Variants in PRKN observed in about 807,000 individuals in gnomAD.
The protein encoded by PRKN is E3 ubiquitin-protein ligase parkin.
A neutral mutation model predicts 59.5 loss-of-function variants in PRKN; 56 were observed. The observed-to-expected ratio is 0.94, with a 90% CI of 0.76 to 1.18. The LOEUF is 1.18. Among genes scored for constraint, PRKN ranks in the 50% most tolerant of loss-of-function variants. The pLI is 0.00. For synonymous variants in PRKN, 250 were observed against 222.1 expected, an observed-to-expected ratio of 1.13 and a Z score of -1.12; for missense variants, 657 against 596.4, an observed-to-expected ratio of 1.10 and a Z score of -1.06.
chr6:162,236,445 C>A (rs553459057), intron 3 of PRKN, among the ~76,000 whole-genome samples: 3 of 152,222 alleles, frequency 2.0e-5, no homozygotes, highest in Non-Finnish European at 4.4e-5. Context: ...TTTCTTCCAC[C>A]CCACTCCTCC....
rs1011532805 is a variant in PRKN at position 161,575,934 on chromosome 6, C to T, written c.872-6518G>A. Among the ~76,000 whole-genome samples the T allele has an allele frequency of 2.0e-5, 3 of 152,150 alleles. No individual in the cohort carries two copies. The highest frequency in any genetic ancestry group is 2.9e-5 in the Non-Finnish European group (2 of 68,038). ...TTCAATGTGATCGAAGACAATGCAG[C>T]GAGACTGAACACTGACCTCTGAGCA... On this transcript the variant is annotated intron_variant, in intron 7 of 11. Coordinates refer to ENST00000366898, the MANE Select transcript of PRKN (RefSeq NM_004562.3). The surrounding 1 kb of genome is among the most constrained non-coding windows in gnomAD (Gnocchi z 4.6).
intron 9 of PRKN, among the ~76,000 whole-genome samples, chr6:161,477,066 A>T (rs938621328): frequency 2.0e-5 from 3 of 152,256 alleles, no homozygotes; most frequent in Non-Finnish European, 4.4e-5. Context: ...AAAAGCCAAC[A>T]GCACTTAACT....
At chr6:162,491,269 CA>C (rs1415926992) in intron 1 of PRKN, among the ~76,000 whole-genome samples, 1,382 of 75,976 alleles carry the variant, frequency 0.018, 10 homozygotes, top group African/African-American at 0.054. Flanking sequence ...GACTCTGGCT[CA>C]AAAAAAAAAA....
intron 2 of PRKN, among the ~76,000 whole-genome samples, chr6:162,327,443 C>T (rs1346532493): frequency 6.6e-6 from 1 of 152,118 alleles, no homozygotes; most frequent in African/African-American, 2.4e-5. Flanking sequence ...AAATTCATTT[C>T]TTAAAAAATG....
chr6:161,949,283 G>A (rs1026951468), intron 6 of PRKN, among the ~76,000 whole-genome samples: 5 of 152,180 alleles, frequency 3.3e-5, no homozygotes, highest in Admixed American at 6.5e-5. Context: ...AGGCCGAGGC[G>A]GGTGGATCAC....
chr6:162,662,533 T>C (rs1377267529), intron 1 of PRKN, among the ~76,000 whole-genome samples: 1 of 152,210 alleles, frequency 6.6e-6, no homozygotes, highest in East Asian at 1.9e-4. Flanking sequence ...CAGTTTTTCT[T>C]ATAGGATTTT....
intron 3 of PRKN, among the ~76,000 whole-genome samples, chr6:162,212,532 A>G (rs1443577113): frequency 6.6e-6 from 1 of 152,210 alleles, no homozygotes. Flanking sequence ...CTGCCTAAAG[A>G]AGAAAAACAT....
chr6:161,826,805 T>C (rs6937010), intron 6 of PRKN, among the ~76,000 whole-genome samples: 101,360 of 151,644 alleles, frequency 0.67, 33,944 homozygotes, highest in Middle Eastern at 0.76. Context: ...ACACGCTGAG[T>C]GAGTTTTAGG....
At chr6:161,808,785 G>A (rs185633860) in intron 6 of PRKN, among the ~76,000 whole-genome samples, 165 of 151,844 alleles carry the variant, frequency 1.1e-3, no homozygotes, top group African/African-American at 3.4e-3. Context: ...ATTAAACTTA[G>A]TTTACTCCAT....
intron 6 of PRKN, among the ~76,000 whole-genome samples, chr6:161,883,095 A>G (rs1795003100): frequency 6.6e-6 from 1 of 152,168 alleles, no homozygotes; most frequent in African/African-American, 2.4e-5. Flanking sequence ...TTACATATAG[A>G]TAAAGATAAA....
chr6:162,001,366 A>C (rs552381458), intron 5 of PRKN, among the ~76,000 whole-genome samples: 1 of 152,090 alleles, frequency 6.6e-6, no homozygotes, highest in East Asian at 1.9e-4. Flanking sequence ...TTGTTAGTTT[A>C]CCTAAATATT....
intron 2 of PRKN, among the ~76,000 whole-genome samples, chr6:162,364,371 C>T: frequency 6.6e-6 from 1 of 152,126 alleles, no homozygotes; most frequent in East Asian, 1.9e-4. Flanking sequence ...GTCGTGGAGA[C>T]TTGCGCCTTC....
Position 162,482,123 on chromosome 6 carries a change from T to C in PRKN, c.8-38650A>G, listed in dbSNP as rs1478968455. Among the ~76,000 whole-genome samples, 4 of 152,166 alleles carry C rather than the reference T, an allele frequency of 2.6e-5. 1 individual carries two copies. The highest frequency in any genetic ancestry group is 5.9e-5 in the Non-Finnish European group (4 of 68,024). On this transcript the variant is annotated intron_variant, in intron 1 of 11. Transcript: ENST00000366898. ...CTATGTTTACTCAGATAATGAAAAGTGGTGTGATAACCTTATCTCCTGGGA... is the reference window on the plus strand; with the variant it reads ...CTATGTTTACTCAGATAATGAAAAGCGGTGTGATAACCTTATCTCCTGGGA...
At chr6:162,518,378 ATT>A (rs888286322) in intron 1 of PRKN, among the ~76,000 whole-genome samples, 1 of 152,142 alleles carries the variant, frequency 6.6e-6, no homozygotes, top group Non-Finnish European at 1.5e-5. Flanking sequence ...TTATTGATAT[ATT>A]TTTTGAGACA....
chr6:162,277,339 C>T lies in PRKN; in HGVS notation c.172-14574G>A, dbSNP rs576746520. Among the ~76,000 whole-genome samples the T allele has an allele frequency of 1.6e-4, 25 of 152,242 alleles. 1 individual carries two copies. The South Asian group carries it at 1.9e-3, about 11-fold the overall frequency. On this transcript the variant is annotated intron_variant, in intron 2 of 11. Transcript: ENST00000366898. ...TCAGTTACAAAGGATTCAGCATTAA[C>T]GACAACAAAGTTTAACCCAAATTTA...
chr6:162,604,691 T>G (rs1460736285), intron 1 of PRKN, among the ~76,000 whole-genome samples: 1 of 140,560 alleles, frequency 7.1e-6, no homozygotes, highest in Admixed American at 7.9e-5. Context: ...TGTTTCTTTC[T>G]CTCTCCTTTT....
intron 2 of PRKN, among the ~76,000 whole-genome samples, chr6:162,386,518 G>T (rs945459258): frequency 2.0e-5 from 3 of 152,182 alleles, no homozygotes; most frequent in Non-Finnish European, 2.9e-5. Context: ...TCTTCATCTT[G>T]CTGATTCCTC....
chr6:162,179,218 C>A (rs2128322324), intron 4 of PRKN, among the ~76,000 whole-genome samples: 1 of 152,298 alleles, frequency 6.6e-6, no homozygotes, highest in Non-Finnish European at 1.5e-5. Context: ...ACTGGGCCTG[C>A]AGCTCTGTGG....
intron 2 of PRKN, among the ~76,000 whole-genome samples, chr6:162,393,177 T>TTTTTTTTTTTTTTTTTTTTTTTA (rs869117723): frequency 1.4e-5 from 2 of 142,810 alleles, no homozygotes; most frequent in African/African-American, 5.5e-5. Flanking sequence ...TTTTTTTTTT[T>TTTTTTTTTTTTTTTTTTTTTTTA]GAGACAGAGT....
Sources: allele counts gnomAD v4.1 joint callset (sites outside exome capture counted in the v4.1 genomes callset), GRCh38; gene constraint gnomAD v4.1.1; non-coding constraint Gnocchi (gnomAD v3.1); transcripts MANE v1.5; gene names NCBI Gene and HGNC (gene_info 2026-07-23, HGNC 2026-07-21).